Variants in SOX5 observed in about 807,000 individuals in gnomAD.
The protein encoded by SOX5 is SRY-box transcription factor 5, also known as transcription factor SOX-5.
Under a neutral mutation model 92.0 loss-of-function variants are expected in SOX5, and 9 were observed. That is an observed-to-expected ratio of 0.10 (90% confidence interval 0.06 to 0.17). The LOEUF (loss-of-function observed/expected upper bound fraction) is 0.17. Among genes scored for constraint, SOX5 ranks in the 10% least tolerant of loss-of-function variants. SOX5 has a pLI of 1.00. For missense variants in SOX5, 642 were observed against 944.5 expected (o/e 0.68, Z 4.20); for synonymous variants, 344 against 336.3 (o/e 1.02, Z -0.25).
At chr12:23,706,618 C>A (rs914192489) in intron 6 of SOX5, among the ~76,000 whole-genome samples, 1 of 151,776 alleles carries the variant, frequency 6.6e-6, no homozygotes, top group African/African-American at 2.4e-5. Context: ...ATTTTTAGTA[C>A]AGAAAAGTAC....
intron 3 of SOX5, among the ~76,000 whole-genome samples, chr12:23,836,440 CTATTTA>C (rs949683745): frequency 9.2e-5 from 14 of 151,898 alleles, no homozygotes; most frequent in African/African-American, 2.7e-4. Context: ...TATTATTCTC[CTATTTA>C]TAAGTTGCAA....
intron 2 of SOX5, among the ~76,000 whole-genome samples, chr12:23,880,150 A>T (rs1380770677): frequency 2.0e-5 from 3 of 152,162 alleles, no homozygotes; most frequent in Non-Finnish European, 4.4e-5. Context: ...AAAGCTGTGG[A>T]CACTCTCCCA....
intron 4 of SOX5, among the ~76,000 whole-genome samples, chr12:24,149,908 C>T (rs951609140): frequency 2.6e-5 from 4 of 151,850 alleles, no homozygotes; most frequent in Non-Finnish European, 5.9e-5. Flanking sequence ...AAACCAGATG[C>T]CTCCGTCACA....
Position 23,582,089 on chromosome 12 carries a change from AT to A in SOX5, c.1165-6252del, listed in dbSNP as rs370461165. ...TGCTGCTATTATCCTCTCTGATGAA[AT>A]GATCGTATTAACCTAAGTAGGGAAG... On this transcript the variant is annotated intron_variant, in intron 9 of 14. Transcript: ENST00000451604. 2.6e-3 allele frequency: 2,388 copies of A among 910,940 alleles called. 50 individuals are homozygous for A. In the African/African-American group the frequency reaches 0.04, roughly 15 times the overall value. The allele number at this position is 910,940 out of a possible 1,614,324, so 56.4% of individuals were successfully genotyped here.
chr12:24,320,273 C>A (rs754859003), intron 2 of SOX5, among the ~76,000 whole-genome samples: 50 of 152,266 alleles, frequency 3.3e-4, no homozygotes, highest in Non-Finnish European at 5.9e-4. Flanking sequence ...CCTAGTTAAC[C>A]CAAATAAGTA....
chr12:24,436,633 G>T (rs1178692424), intron 1 of SOX5, among the ~76,000 whole-genome samples: 1 of 152,178 alleles, frequency 6.6e-6, no homozygotes, highest in Non-Finnish European at 1.5e-5. Flanking sequence ...GGAAGCTGCA[G>T]CAAAATATCC....
intron 1 of SOX5, among the ~76,000 whole-genome samples, chr12:24,491,752 G>GTA (rs749585971): frequency 6.6e-6 from 1 of 152,148 alleles, no homozygotes; most frequent in Non-Finnish European, 1.5e-5. Flanking sequence ...CCAAAAGTAT[G>GTA]TATGTAGTGG....
At chr12:23,556,242 T>A (rs1945151939) in intron 11 of SOX5, among the ~76,000 whole-genome samples, 1 of 152,150 alleles carries the variant, frequency 6.6e-6, no homozygotes, top group Non-Finnish European at 1.5e-5. Flanking sequence ...TGGTCTAGAT[T>A]TTCTAATAAT....
At chr12:23,954,765 G>A (rs1228139142), upstream of SOX5, among the ~76,000 whole-genome samples, 2 of 151,974 alleles carry the variant, frequency 1.3e-5, no homozygotes, top group Non-Finnish European at 2.9e-5. Flanking sequence ...AGAATACACA[G>A]ATGAATTGTT....
At position 24,057,634 on chromosome 12, in the gene SOX5, C is replaced by T. The variant is rs182889339; in HGVS notation, c.-2+155709G>A. On this transcript the variant is annotated intron_variant, in intron 4 of 4. Coordinates refer to the SOX5 transcript ENST00000446891. ...AAATAAGTGGCATCCAAATGACTGTCAAACTTTCTTAATTTTCTTCAATAA... is the reference window on the plus strand; with the variant it reads ...AAATAAGTGGCATCCAAATGACTGTTAAACTTTCTTAATTTTCTTCAATAA... 2.0e-5 allele frequency among the ~76,000 whole-genome samples: 3 copies of T among 152,266 alleles called. No individual in the cohort carries two copies. The East Asian group carries it at 5.8e-4, about 29-fold the overall frequency.
intron 4 of SOX5, among the ~76,000 whole-genome samples, chr12:24,072,752 T>C (rs1459097927): frequency 6.6e-6 from 1 of 152,214 alleles, no homozygotes; most frequent in African/African-American, 2.4e-5. Flanking sequence ...ATAAAGTGTC[T>C]CACATGCCTT....
intron 4 of SOX5, among the ~76,000 whole-genome samples, chr12:23,956,844 C>T (rs1012050376): frequency 1.3e-5 from 2 of 152,064 alleles, no homozygotes; most frequent in African/African-American, 4.8e-5. Context: ...TGCCACCACA[C>T]CCAGATAATG....
chr12:24,394,425 T>C (rs1959332280), intron 1 of SOX5, among the ~76,000 whole-genome samples: 1 of 152,158 alleles, frequency 6.6e-6, no homozygotes, highest in Non-Finnish European at 1.5e-5. Context: ...GCCACTGATG[T>C]TGCTATTCTT....
In SOX5 at chr12:24,456,325, G is replaced by A. The variant is rs534146000; in HGVS notation, c.-250-87686C>T. Among the ~76,000 whole-genome samples the A allele has an allele frequency of 1.5e-3, 235 of 152,270 alleles. 1 individual carries two copies. Among genetic ancestry groups the A allele is most frequent in the African/African-American group, 5.0e-3 (209 of 41,544 alleles). On this transcript the variant is annotated intron_variant, in intron 1 of 4. Coordinates refer to the SOX5 transcript ENST00000446891. ...ATGGTTTTCTTCAAGGAACTTTTAA[G>A]TAAATGTCACCTAACAAAATCACAT...
At chr12:23,809,116 A>T (rs1466022251) in intron 3 of SOX5, among the ~76,000 whole-genome samples, 4 of 152,156 alleles carry the variant, frequency 2.6e-5, no homozygotes, top group Non-Finnish European at 5.9e-5. Context: ...TCCTTCTGAT[A>T]TAAACCACAC....
chr12:23,895,395 T>G (rs1338212040), intron 2 of SOX5, among the ~76,000 whole-genome samples: 1 of 152,100 alleles, frequency 6.6e-6, no homozygotes, highest in African/African-American at 2.4e-5. Context: ...AGAATAACAC[T>G]GATTTATCAT....
intron 6 of SOX5, among the ~76,000 whole-genome samples, chr12:23,733,651 T>C (rs75100086): frequency 6.6e-6 from 1 of 152,260 alleles, no homozygotes; most frequent in East Asian, 1.9e-4. Flanking sequence ...TTAGATACAA[T>C]AGGAGAAATC....
At chr12:24,394,108 G>A (rs534441540) in intron 1 of SOX5, among the ~76,000 whole-genome samples, 35 of 152,152 alleles carry the variant, frequency 2.3e-4, no homozygotes, top group South Asian at 4.2e-4. Context: ...TTAGAGCTCC[G>A]AAATTCATCA....
intron 1 of SOX5, among the ~76,000 whole-genome samples, chr12:24,400,853 T>C (rs568716321): frequency 1.3e-5 from 2 of 152,330 alleles, no homozygotes; most frequent in South Asian, 2.1e-4. Context: ...CAAAGTCTAA[T>C]AGGCAAATGA....
Sources: allele counts gnomAD v4.1 joint callset (sites outside exome capture counted in the v4.1 genomes callset), GRCh38; gene constraint gnomAD v4.1.1; transcripts MANE v1.5; gene names NCBI Gene and HGNC (gene_info 2026-07-23, HGNC 2026-07-21).